Variants in AMPH observed in about 807,000 individuals in gnomAD.
AMPH encodes the protein amphiphysin (Stiff-Mann syndrome with breast cancer 128kD autoantigen).
AMPH carries 49 observed loss-of-function variants against 99.1 expected under a neutral mutation model. The observed-to-expected ratio is 0.49, with a 90% confidence interval of 0.39 to 0.63. AMPH has a LOEUF of 0.63. Among genes scored for constraint, AMPH ranks in the 20% least tolerant of loss-of-function variants. AMPH has a pLI of 0.00. For synonymous variants in AMPH, 314 were observed against 317.3 expected, an observed-to-expected ratio of 0.99 and a Z score of 0.11; for missense variants, 759 against 863.4, an observed-to-expected ratio of 0.88 and a Z score of 1.52.
chr7:38,548,064 T>C (rs952491561), intron 1 of AMPH, among the ~76,000 whole-genome samples: 3 of 150,064 alleles, frequency 2.0e-5, no homozygotes, highest in Non-Finnish European at 4.4e-5. Flanking sequence ...AGTCTCGCTC[T>C]GTCGCCCAGG....
chr7:38,533,082 A>T (rs1379011762), intron 2 of AMPH, among the ~76,000 whole-genome samples: 9 of 152,204 alleles, frequency 5.9e-5, no homozygotes, highest in Non-Finnish European at 1.3e-4. Flanking sequence ...AAGTTTGTGT[A>T]TGGGAAGTTC....
At chr7:38,469,730 C>T (rs1038232044) in intron 7 of AMPH, among the ~76,000 whole-genome samples, 6 of 152,166 alleles carry the variant, frequency 3.9e-5, no homozygotes, top group Non-Finnish European at 8.8e-5. Context: ...CCCCTCTCTC[C>T]CTCACCAAAT....
At chr7:38,404,478 C>A (rs1784928038) in intron 17 of AMPH, among the ~76,000 whole-genome samples, 1 of 152,172 alleles carries the variant, frequency 6.6e-6, no homozygotes, top group Admixed American at 6.5e-5. Context: ...ACTGCTACAA[C>A]AAGCAGTGTT....
intron 4 of AMPH, among the ~76,000 whole-genome samples, chr7:38,493,189 CAG>C (rs1172638335): frequency 2.0e-5 from 3 of 152,166 alleles, no homozygotes; most frequent in African/African-American, 7.2e-5. Context: ...CAAGGCTGCA[CAG>C]ACATTCAGTG....
intron 11 of AMPH, among the ~76,000 whole-genome samples, chr7:38,455,345 A>G (rs911733045): frequency 2.0e-5 from 3 of 152,216 alleles, no homozygotes; most frequent in African/African-American, 4.8e-5. Flanking sequence ...TGCTGGGATT[A>G]CAGGTGTGAG....
At chr7:38,581,630 G>A (rs1792468133) in intron 1 of AMPH, among the ~76,000 whole-genome samples, 1 of 152,194 alleles carries the variant, frequency 6.6e-6, no homozygotes. Flanking sequence ...GCTGTGTGAA[G>A]AAGAGATTCT....
intron 1 of AMPH, among the ~76,000 whole-genome samples, chr7:38,630,189 C>T (rs1794406754): frequency 6.6e-6 from 1 of 152,212 alleles, no homozygotes; most frequent in African/African-American, 2.4e-5. Flanking sequence ...AATACTGCCA[C>T]GTGAAAGAGA....
At chr7:38,570,335 A>G (rs1791897857) in intron 1 of AMPH, among the ~76,000 whole-genome samples, 1 of 152,166 alleles carries the variant, frequency 6.6e-6, no homozygotes, top group Non-Finnish European at 1.5e-5. Context: ...TGGATTAGTG[A>G]GTTCTGATGT....
rs551964565 is a variant in AMPH at position 38,424,708 on chromosome 7, T to C, written c.1216-2231A>G. Among the ~76,000 whole-genome samples the C allele has an allele frequency of 2.6e-5, 4 of 152,078 alleles. No individual in the cohort carries two copies. The East Asian group carries it at 7.7e-4, about 29-fold the overall frequency. On this transcript the variant is annotated intron_variant, in intron 15 of 20. Coordinates refer to ENST00000356264, the MANE Select transcript of AMPH (RefSeq NM_001635.4). ...TCTCCCAAACCAAAACCCATAAATT[T>C]TGAGATTAAAAAGGCTTATACAGTG...
At chr7:38,579,798 A>G (rs933632253) in intron 1 of AMPH, among the ~76,000 whole-genome samples, 1 of 152,240 alleles carries the variant, frequency 6.6e-6, no homozygotes, top group Non-Finnish European at 1.5e-5. Flanking sequence ...TGAAGTATTG[A>G]TGTTAATCCC....
intron 1 of AMPH, among the ~76,000 whole-genome samples, chr7:38,606,624 ATGCAGTAG>A (rs1793445853): frequency 7.2e-6 from 1 of 139,092 alleles, no homozygotes; most frequent in Non-Finnish European, 1.5e-5. Flanking sequence ...CCAGGACAGA[ATGCAGTAG>A]TGCAATCTCA....
At chr7:38,510,496 G>A (rs1295062335) in intron 2 of AMPH, among the ~76,000 whole-genome samples, 2 of 152,116 alleles carry the variant, frequency 1.3e-5, no homozygotes, top group African/African-American at 4.8e-5. Flanking sequence ...CCTACTGAGT[G>A]GCCACTTTGA....
intron 1 of AMPH, among the ~76,000 whole-genome samples, chr7:38,541,854 GA>G (rs1441624785): frequency 6.6e-6 from 1 of 152,062 alleles, no homozygotes; most frequent in Non-Finnish European, 1.5e-5. Flanking sequence ...GAAAACTAGG[GA>G]AAAAAGAAAA....
chr7:38,484,897 T>G (rs960707605), intron 5 of AMPH, among the ~76,000 whole-genome samples: 6 of 151,958 alleles, frequency 3.9e-5, no homozygotes, highest in African/African-American at 1.4e-4. Flanking sequence ...TGATGTTAAT[T>G]TAGTTCTTAG....
At chr7:38,590,751 A>G (rs1170672311) in intron 1 of AMPH, among the ~76,000 whole-genome samples, 1 of 152,154 alleles carries the variant, frequency 6.6e-6, no homozygotes, top group Non-Finnish European at 1.5e-5. Context: ...AAGAATTCCT[A>G]GTCAGCCTAG....
intron 9 of AMPH, among the ~76,000 whole-genome samples, chr7:38,464,875 G>A (rs190767495): frequency 2.3e-3 from 346 of 152,240 alleles, no homozygotes; most frequent in Admixed American, 4.3e-3. Flanking sequence ...GTGTGCAGCC[G>A]AACCCTGGCA....
intron 1 of AMPH, among the ~76,000 whole-genome samples, chr7:38,566,520 T>C (rs897929174): frequency 6.6e-6 from 1 of 152,132 alleles, no homozygotes; most frequent in African/African-American, 2.4e-5. Context: ...CAAAAAGCAA[T>C]GGCAACAAAA....
intron 1 of AMPH, among the ~76,000 whole-genome samples, chr7:38,554,397 C>T (rs1352938035): frequency 3.9e-5 from 6 of 152,114 alleles, no homozygotes; most frequent in Non-Finnish European, 7.3e-5. Flanking sequence ...TGTGATTTAG[C>T]CTTTCTGGAG....
At chr7:38,562,895 T>C (rs1441617366) in intron 1 of AMPH, among the ~76,000 whole-genome samples, 3 of 152,164 alleles carry the variant, frequency 2.0e-5, no homozygotes, top group African/African-American at 7.2e-5. Flanking sequence ...CCATCATTAG[T>C]CTCAGATACA....
Sources: gnomAD v4.1 joint callset for allele counts (sites outside exome capture counted in the v4.1 genomes callset) on GRCh38, gnomAD v4.1.1 for gene constraint, MANE v1.5 for transcripts, NCBI Gene and HGNC (gene_info 2026-07-23, HGNC 2026-07-21) for gene names.